AGFG1: variants seen among roughly 807,000 people sequenced by gnomAD.
The protein encoded by AGFG1 is arf-GAP domain and FG repeat-containing protein 1.
Under a neutral mutation model 60.6 loss-of-function variants are expected in AGFG1, and 10 were observed. That is an observed-to-expected ratio of 0.16 (90% CI 0.10 to 0.28). The LOEUF is 0.28. AGFG1 is among the 10% of genes least tolerant of loss of function. The probability of loss-of-function intolerance (pLI) is 1.00; values close to 1 mark genes in which losing one functional copy is unlikely to be tolerated. For missense variants in AGFG1, 537 were observed against 676.5 expected (o/e 0.79, Z 2.29); for synonymous variants, 247 against 242.9 (o/e 1.02, Z -0.16).
At chr2:227,516,981 T>TA (rs1691669216) in intron 2 of AGFG1, among the ~76,000 whole-genome samples, 1 of 152,158 alleles carries the variant, frequency 6.6e-6, no homozygotes, top group Admixed American at 6.5e-5. Flanking sequence ...CTTAAAGAAT[T>TA]ACATTTTGGG....
chr2:227,508,001 C>A, intron 2 of AGFG1, among the ~76,000 whole-genome samples: 1 of 147,552 alleles, frequency 6.8e-6, no homozygotes, highest in East Asian at 2.0e-4. Flanking sequence ...CCTGAATGTT[C>A]CTTTTTTTTT....
chr2:227,533,909 G>C, intron 7 of AGFG1, 151 bp downstream of exon 7: 1 of 696,994 alleles, frequency 1.4e-6, no homozygotes, highest in East Asian at 2.7e-5. Context: ...ATGTTCACTT[G>C]ACACATTTTA....
At chr2:227,491,946 CAA>C (rs1178152906) in intron 2 of AGFG1, among the ~76,000 whole-genome samples, 1 of 151,892 alleles carries the variant, frequency 6.6e-6, no homozygotes, top group Admixed American at 6.5e-5. Context: ...CTTCAAAAGT[CAA>C]AAAAGAGGAA....
chr2:227,485,668 C>T (rs1054799336), intron 1 of AGFG1, among the ~76,000 whole-genome samples: 1 of 52,322 alleles, frequency 1.9e-5, no homozygotes, highest in Non-Finnish European at 3.5e-5. Context: ...CCTTCCAGTT[C>T]ATTAATTCTC....
intron 1 of AGFG1, among the ~76,000 whole-genome samples, chr2:227,481,484 A>G (rs1177098559): frequency 1.3e-5 from 2 of 151,982 alleles, no homozygotes; most frequent in African/African-American, 2.4e-5. Flanking sequence ...GTAAATCTTG[A>G]TATGTCCTGT....
intron 2 of AGFG1, among the ~76,000 whole-genome samples, chr2:227,495,936 C>T (rs917703544): frequency 6.6e-6 from 1 of 150,646 alleles, no homozygotes; most frequent in Non-Finnish European, 1.5e-5. Flanking sequence ...AACTCTGTCT[C>T]TACTAAAAAT....
At chr2:227,526,148 C>T (rs1419405723) in intron 5 of AGFG1, among the ~76,000 whole-genome samples, 1 of 152,030 alleles carries the variant, frequency 6.6e-6, no homozygotes, top group Non-Finnish European at 1.5e-5. Context: ...CAAATTAGCC[C>T]ACCTTAGGAG....
At chr2:227,521,767 C>T (rs1691832729) in intron 3 of AGFG1, among the ~76,000 whole-genome samples, 1 of 152,222 alleles carries the variant, frequency 6.6e-6, no homozygotes, top group African/African-American at 2.4e-5. Context: ...GAATTAAAAT[C>T]ATAGATCCTT....
At chr2:227,534,709 TATTAG>T in intron 7 of AGFG1, 131 bp from the exon 8 acceptor site, 1 of 860,228 alleles carries the variant, frequency 1.2e-6, no homozygotes, top group Non-Finnish European at 1.8e-6. Context: ...CCAGGTTATT[TATTAG>T]ATTAATGATT....
At chr2:227,504,188 ATT>A (rs111498312) in intron 2 of AGFG1, among the ~76,000 whole-genome samples, 68 of 138,436 alleles carry the variant, frequency 4.9e-4, no homozygotes, top group Middle Eastern at 3.7e-3. Flanking sequence ...CTTGGTGTAA[ATT>A]TTTTTTTTTT....
At chr2:227,550,148 G>C (rs1299308267) in intron 10 of AGFG1, 1 of 404,912 alleles carries the variant, frequency 2.5e-6, no homozygotes, top group Non-Finnish European at 5.0e-6. Context: ...GTGGCAATTT[G>C]TCTACCTGCT....
chr2:227,492,622 T>G (rs1232555691), intron 2 of AGFG1, among the ~76,000 whole-genome samples: 1 of 152,102 alleles, frequency 6.6e-6, no homozygotes, highest in Non-Finnish European at 1.5e-5. Flanking sequence ...TCCACTTGCT[T>G]TTGGTTCTAA....
chr2:227,553,814 T>C lies in AGFG1; in HGVS notation c.1629+19T>C. 6.5e-7 allele frequency: 1 copy of C among 1,540,224 alleles called. No individual in the cohort carries two copies. The highest frequency in any genetic ancestry group is 9.0e-7 in the Non-Finnish European group (1 of 1,116,712). On this transcript the variant is annotated intron_variant, in intron 12 of 12. Transcript: ENST00000310078. ...TTTTATGGTAAGCAAAATTTAAAAT[T>C]AAATACTTTATAAGTTGTTAAATCT...
At chr2:227,554,369 A>T in intron 12 of AGFG1, 67 bp from the exon 13 acceptor site, 1 of 1,292,842 alleles carries the variant, frequency 7.7e-7, no homozygotes. Flanking sequence ...ATTCAGTTTA[A>T]TGTTTTTATA....
At chr2:227,543,788 C>CT (rs1218962495) in intron 10 of AGFG1, among the ~76,000 whole-genome samples, 1 of 152,140 alleles carries the variant, frequency 6.6e-6, no homozygotes, top group African/African-American at 2.4e-5. Context: ...GTGTGGGAGT[C>CT]TAAGTCTCTT....
At chr2:227,543,606 T>G (rs1360827364) in intron 10 of AGFG1, among the ~76,000 whole-genome samples, 2 of 152,206 alleles carry the variant, frequency 1.3e-5, no homozygotes, top group Admixed American at 6.5e-5. Context: ...AAGTGAGATG[T>G]GGTGCTAAGA....
At chr2:227,508,522 G>A (rs1442188700) in intron 2 of AGFG1, 3 of 410,338 alleles carry the variant, frequency 7.3e-6, no homozygotes, top group African/African-American at 6.3e-5. Flanking sequence ...AGCTTTTTCT[G>A]TGTGTACATC....
At chr2:227,473,621 AT>A (rs1404779284) in intron 1 of AGFG1, among the ~76,000 whole-genome samples, 1 of 152,200 alleles carries the variant, frequency 6.6e-6, no homozygotes, top group African/African-American at 2.4e-5. Context: ...TGGTTTTGGA[AT>A]TGATAAAATG....
intron 2 of AGFG1, among the ~76,000 whole-genome samples, chr2:227,514,833 C>T (rs1559181786): frequency 1.3e-5 from 2 of 152,162 alleles, no homozygotes; most frequent in African/African-American, 4.8e-5. Flanking sequence ...CTGTTTTTAG[C>T]CCCTCACCCC....
Sources: allele counts gnomAD v4.1 joint callset (sites outside exome capture counted in the v4.1 genomes callset), GRCh38; gene constraint gnomAD v4.1.1; transcripts MANE v1.5; gene names NCBI Gene and HGNC (gene_info 2026-07-23, HGNC 2026-07-21).